GATA3: variants seen among roughly 807,000 people sequenced by gnomAD.
GATA3 encodes the protein GATA binding protein 3, also known as trans-acting T-cell-specific transcription factor GATA-3.
A neutral mutation model predicts 36.0 loss-of-function variants in GATA3; 6 were observed. The ratio of observed to expected loss-of-function variants is 0.17; its 90% CI spans 0.09 to 0.33. The LOEUF (loss-of-function observed/expected upper bound fraction) is 0.33. Among genes scored for constraint, GATA3 ranks in the 10% least tolerant of loss-of-function variants. GATA3 has a pLI of 1.00. For synonymous variants in GATA3, 326 were observed against 273.0 expected (o/e 1.19, Z -1.92); for missense variants, 514 against 610.1 (o/e 0.84, Z 1.66).
At chr10:8,046,878 C>T (rs1832395465) in intron 1 of GATA3, among the ~76,000 whole-genome samples, 1 of 152,024 alleles carries the variant, frequency 6.6e-6, no homozygotes, top group African/African-American at 2.4e-5. Flanking sequence ...AGCTCCCAGC[C>T]AGCTGCCCCG....
intron 1 of GATA3, among the ~76,000 whole-genome samples, chr10:8,046,232 C>T (rs556730901): frequency 6.6e-6 from 1 of 152,236 alleles, no homozygotes; most frequent in African/African-American, 2.4e-5. Flanking sequence ...CAGTTCCCCC[C>T]TGAAGACAGA....
chr10:8,058,874 C>T lies in GATA3; in HGVS notation c.778+33C>T, dbSNP rs368491219. ...CCAGCTCTTCCCTGGAGCCTTTTCT[C>T]CTCCCTCCTCCCCTTTTCCTCAATC... On this transcript the variant is annotated intron_variant, in intron 3 of 5. Coordinates refer to ENST00000379328, the MANE Select transcript of GATA3 (RefSeq NM_001002295.2). 1.3e-4 allele frequency: 211 copies of T among 1,589,036 alleles called. 1 individual carries two copies. The African/African-American group carries it at 2.4e-3, about 18-fold the overall frequency.
chr10:8,052,866 G>A (rs890466954), upstream of GATA3: 24 of 147,750 alleles, frequency 1.6e-4, no homozygotes, highest in African/African-American at 5.8e-4. Context: ...GCCTAATAAC[G>A]GGAGACCAAG....
intron 5 of GATA3, among the ~76,000 whole-genome samples, chr10:8,073,017 C>T (rs1243744426): frequency 2.0e-5 from 3 of 151,802 alleles, no homozygotes; most frequent in Non-Finnish European, 2.9e-5. Context: ...TGGTGGCAGG[C>T]GCCTCTAGTC....
chr10:8,068,170 G>A (rs925254885), intron 4 of GATA3, among the ~76,000 whole-genome samples: 9 of 145,466 alleles, frequency 6.2e-5, no homozygotes, highest in African/African-American at 2.3e-4. Flanking sequence ...GTCAAAAAGT[G>A]AAAGAAAAAT....
At chr10:8,065,584 A>G (rs560532755) in intron 4 of GATA3, among the ~76,000 whole-genome samples, 6 of 152,086 alleles carry the variant, frequency 3.9e-5, no homozygotes, top group Non-Finnish European at 5.9e-5. Context: ...TAGGGATGGA[A>G]ATGTCCACAT....
At chr10:8,050,559 G>C (rs1458390277), upstream of GATA3, 1 of 177,506 alleles carries the variant, frequency 5.6e-6, no homozygotes, top group African/African-American at 2.4e-5. Flanking sequence ...GCCTCGGGCC[G>C]TGCTGCAGTT....
Position 8,058,809 on chromosome 10 carries a change from G to GC in GATA3, c.747dup (p.Lys250GlnfsTer54), listed in dbSNP as rs1832699130. 1 of 1,606,248 alleles carries GC rather than the reference G, an allele frequency of 6.2e-7. No individual in the cohort carries two copies. Among genetic ancestry groups the GC allele is most frequent in the Non-Finnish European group, 8.5e-7 (1 of 1,179,926 alleles). On this transcript the variant is annotated frameshift_variant, in exon 3 of 6. Coordinates refer to ENST00000379328, the MANE Select transcript of GATA3 (RefSeq NM_001002295.2). LOFTEE classifies it high-confidence loss of function. ...GGCGGCTCCCCCACCGGCTTCGGATGCAAGTCCAGGCCCAAGGCCCGGTCC... is the reference window on the plus strand; with the variant it reads ...GGCGGCTCCCCCACCGGCTTCGGATGCCAAGTCCAGGCCCAAGGCCCGGTCC...
chr10:8,069,022 A>T (rs11567928), intron 4 of GATA3, among the ~76,000 whole-genome samples: 3,612 of 152,172 alleles, frequency 0.024, 61 homozygotes, highest in Middle Eastern at 0.088. Context: ...CTGTTTGAGG[A>T]TGGATATTCT....
At chr10:8,049,622 C>G (rs1832437382), upstream of GATA3, among the ~76,000 whole-genome samples, 1 of 152,164 alleles carries the variant, frequency 6.6e-6, no homozygotes, top group African/African-American at 2.4e-5. Flanking sequence ...CCCGGCATAA[C>G]CCTCCCGCCC....
upstream of GATA3, chr10:8,053,213 A>G (rs1166362085): frequency 6.6e-6 from 1 of 152,186 alleles, no homozygotes; most frequent in Non-Finnish European, 1.5e-5. The surrounding 1 kb of genome is among the most constrained non-coding windows in gnomAD (Gnocchi z 5.1). Flanking sequence ...TCTATCTCGA[A>G]TTTTTGCATT....
Position 8,073,734 on chromosome 10 carries a change from T to C in GATA3, c.1051-5T>C. 6.2e-7 allele frequency: 1 copy of C among 1,610,770 alleles called. No homozygotes were observed. On this transcript the variant is annotated splice_polypyrimidine_tract_variant and splice_region_variant and intron_variant, in intron 5 of 5. Coordinates refer to ENST00000379328, the MANE Select transcript of GATA3 (RefSeq NM_001002295.2). ...AAAAAAAAAAAAAAATTGATCTTTG[T>C]TTAGATTAACAGACCCCTGACTATG...
At position 8,058,738 on chromosome 10, in the gene GATA3, C is replaced by T. The variant is rs763575837; in HGVS notation, c.675C>T (p.Tyr225=). The T allele has an allele frequency of 4.3e-6, 7 of 1,612,218 alleles. No homozygotes were observed. The highest frequency in any genetic ancestry group is 4.5e-5 in the East Asian group (2 of 44,852). Residue 225 remains tyrosine (Y), a synonymous_variant, in exon 3 of 6, where the codon TAC becomes TAT. Transcript: ENST00000379328. ...ACCCCATCACCACCTACCCGCCCTACGTGCCCGAGTACAGCTCCGGACTCT... is the reference window on the plus strand; with the variant it reads ...ACCCCATCACCACCTACCCGCCCTATGTGCCCGAGTACAGCTCCGGACTCT... ...THHPITTYPP[Y]VPEYSSGLFP...
intron 1 of GATA3, among the ~76,000 whole-genome samples, chr10:8,047,994 C>A (rs924778156): frequency 1.3e-5 from 2 of 152,148 alleles, no homozygotes; most frequent in African/African-American, 4.8e-5. Context: ...CCTCTACTGT[C>A]TCCAAGATCT....
intron 3 of GATA3, 148 bp downstream of exon 3, chr10:8,058,989 GGC>G: frequency 1.4e-6 from 1 of 738,996 alleles, no homozygotes; most frequent in Non-Finnish European, 2.2e-6. Flanking sequence ...CTGCCGGGAA[GGC>G]ACTGCATGTC....
At chr10:8,050,691 G>A, upstream of GATA3, 1 of 233,052 alleles carries the variant, frequency 4.3e-6, no homozygotes, top group Non-Finnish European at 8.7e-6. Context: ...GGAGGGACTC[G>A]GCGGCTCGGC....
At chr10:8,067,912 C>G (rs771326830) in intron 4 of GATA3, among the ~76,000 whole-genome samples, 1 of 152,228 alleles carries the variant, frequency 6.6e-6, no homozygotes, top group Non-Finnish European at 1.5e-5. Context: ...TTCTTATAAC[C>G]ATACCAGAAT....
chr10:8,052,658 C>A (rs1832527214), upstream of GATA3: 3 of 152,310 alleles, frequency 2.0e-5, no homozygotes, highest in South Asian at 6.2e-4. Flanking sequence ...ATCTTAATCC[C>A]GGGCTTCTTA....
rs561363114 is a variant in GATA3 at position 8,046,954 on chromosome 10, C to CG, written c.-370+1442dup. On this transcript the variant is annotated intron_variant, in intron 1 of 1. Coordinates refer to the GATA3 transcript ENST00000643001. ...GAAAATGCGGAGCGGCTGCAATCCA[C>CG]GGGCCCATCCTCCACTCTGCACAAG... Among the ~76,000 whole-genome samples the CG allele has an allele frequency of 4.9e-4, 74 of 152,254 alleles. 1 individual carries two copies. In the South Asian group the frequency reaches 0.013, roughly 27 times the overall value.
Sources: gnomAD v4.1 joint callset for allele counts (sites outside exome capture counted in the v4.1 genomes callset) on GRCh38, gnomAD v4.1.1 for gene constraint, Gnocchi (gnomAD v3.1) non-coding constraint, MANE v1.5 for transcripts, NCBI Gene and HGNC (gene_info 2026-07-23, HGNC 2026-07-21) for gene names.